Variants in GPC6 observed in about 807,000 individuals in gnomAD.
GPC6 encodes the protein glypican 6, also known as glypican-6.
GPC6 carries 14 observed loss-of-function variants against 55.2 expected under a neutral mutation model. The ratio of observed to expected loss-of-function variants is 0.25; its 90% CI spans 0.17 to 0.40. The LOEUF (loss-of-function observed/expected upper bound fraction) is 0.40, where lower values mean the gene tolerates loss of function less well. Ranked by LOEUF, GPC6 falls within the 10% of genes least tolerant of loss-of-function variation. The pLI is 1.00. For missense variants in GPC6, 641 were observed against 708.5 expected, an observed-to-expected ratio of 0.90 and a Z score of 1.08; for synonymous variants, 278 against 259.6, an observed-to-expected ratio of 1.07 and a Z score of -0.68.
At chr13:94,322,126 G>C (rs1019937332) in intron 6 of GPC6, among the ~76,000 whole-genome samples, 1 of 152,112 alleles carries the variant, frequency 6.6e-6, no homozygotes, top group Non-Finnish European at 1.5e-5. Context: ...TTGAATCATG[G>C]GGGCAGTTTC....
At chr13:93,293,786 A>C (rs1878391897) in intron 1 of GPC6, among the ~76,000 whole-genome samples, 2 of 151,962 alleles carry the variant, frequency 1.3e-5, no homozygotes, top group Admixed American at 6.6e-5. Context: ...TAGTACACAG[A>C]GTTCTGGTGA....
intron 4 of GPC6, among the ~76,000 whole-genome samples, chr13:94,226,705 C>T (rs985379267): frequency 5.9e-5 from 9 of 152,144 alleles, no homozygotes; most frequent in Non-Finnish European, 1.2e-4. Context: ...TGGAATGTAG[C>T]CCTTTCTCTG....
At chr13:93,914,708 A>T (rs1400052918) in intron 3 of GPC6, among the ~76,000 whole-genome samples, 1 of 152,226 alleles carries the variant, frequency 6.6e-6, no homozygotes, top group Non-Finnish European at 1.5e-5. Context: ...GGAAGAGTAG[A>T]GTTGGCCAAG....
At chr13:93,312,682 T>C (rs892119870) in intron 1 of GPC6, among the ~76,000 whole-genome samples, 5 of 152,168 alleles carry the variant, frequency 3.3e-5, no homozygotes, top group South Asian at 2.1e-4. Context: ...GGGGTGTTCA[T>C]TGCGAATAGC....
At chr13:94,387,316 G>A (rs1224543441) in intron 7 of GPC6, among the ~76,000 whole-genome samples, 30 of 152,158 alleles carry the variant, frequency 2.0e-4, no homozygotes, top group Admixed American at 2.0e-3. Flanking sequence ...CCCTTTGATG[G>A]GAGGAAATTG....
intron 2 of GPC6, among the ~76,000 whole-genome samples, chr13:93,616,665 A>G (rs1222366870): frequency 6.6e-6 from 1 of 152,106 alleles, no homozygotes; most frequent in Non-Finnish European, 1.5e-5. Context: ...GAACCATCCT[A>G]AATAATATAT....
At position 94,189,084 on chromosome 13, in the gene GPC6, T is replaced by C. The variant is rs147845233; in HGVS notation, c.878-97265T>C. Among the ~76,000 whole-genome samples, 1,308 of 152,312 alleles carry C rather than the reference T, an allele frequency of 8.6e-3. 9 individuals are homozygous for C. The highest frequency in any genetic ancestry group is 0.02 in the Middle Eastern group (6 of 294). ...TATATCACCCAGAAGCTCTAACCTG[T>C]GGCTTCCTCAAGAGACATTATCCCT... On this transcript the variant is annotated intron_variant, in intron 4 of 8. Coordinates refer to ENST00000377047, the MANE Select transcript of GPC6 (RefSeq NM_005708.5).
At chr13:93,845,000 C>A (rs994025042) in intron 3 of GPC6, among the ~76,000 whole-genome samples, 1 of 152,024 alleles carries the variant, frequency 6.6e-6, no homozygotes, top group Non-Finnish European at 1.5e-5. Context: ...TTCCATTGAT[C>A]TATATCTCTG....
intron 6 of GPC6, among the ~76,000 whole-genome samples, chr13:94,340,622 A>G (rs1046870322): frequency 1.1e-4 from 16 of 152,380 alleles, no homozygotes; most frequent in African/African-American, 3.8e-4. Flanking sequence ...CACTATGTAT[A>G]TAAAGCCAAA....
chr13:93,830,973 T>A (rs1887469035), intron 3 of GPC6: 1 of 168,686 alleles, frequency 5.9e-6, no homozygotes. Flanking sequence ...TGGAGACAAG[T>A]TATTGTTCAG....
intron 2 of GPC6, among the ~76,000 whole-genome samples, chr13:93,786,745 T>C (rs1594456180): frequency 6.9e-6 from 1 of 144,526 alleles, no homozygotes; most frequent in Admixed American, 6.9e-5. Flanking sequence ...GCACCTAGAG[T>C]ATATTTGAAC....
rs1484364079 is a variant in GPC6, at chr13:94,404,152, C to T, written c.*935C>T. On this transcript the variant is annotated 3_prime_UTR_variant, in exon 9 of 9. Coordinates refer to ENST00000377047, the MANE Select transcript of GPC6 (RefSeq NM_005708.5). ...CGTTTCTGCCCCTGTGCTCATTACC[C>T]TCCCAAAACAATAGTTTTTTTAATG... is the stretch of plus-strand genomic sequence containing the variant. 6.6e-6 allele frequency: 1 copy of T among 152,022 alleles called. No homozygotes were observed. Among genetic ancestry groups the T allele is most frequent in the East Asian group, 1.9e-4 (1 of 5,192 alleles). 9.4% of individuals were successfully genotyped at this position (152,022 alleles called of 1,614,324 possible).
intron 2 of GPC6, among the ~76,000 whole-genome samples, chr13:93,777,739 C>A (rs1263835107): frequency 1.3e-5 from 2 of 152,148 alleles, no homozygotes; most frequent in Admixed American, 1.3e-4. Context: ...CTGGTGCATG[C>A]TGAATCAGTA....
intron 4 of GPC6, among the ~76,000 whole-genome samples, chr13:94,247,746 A>G (rs994515155): frequency 3.3e-5 from 5 of 152,106 alleles, no homozygotes; most frequent in East Asian, 3.9e-4. Flanking sequence ...GTTGAATTCA[A>G]TTTCCTAATA....
rs564473406 is a variant in GPC6, at chr13:94,226,556, A to T, written c.878-59793A>T. Among the ~76,000 whole-genome samples the T allele has an allele frequency of 1.2e-3, 189 of 152,266 alleles. 1 individual carries two copies. In the Middle Eastern group the frequency reaches 0.014, roughly 11 times the overall value. ...CTGTACCCCATAAATACAATTTTTT[A>T]AAAAAGGTACCTGAGGCTCTTTTCT... On this transcript the variant is annotated intron_variant, in intron 4 of 8. Coordinates refer to ENST00000377047, the MANE Select transcript of GPC6 (RefSeq NM_005708.5).
At chr13:94,251,463 G>GAAAA (rs57853055) in intron 4 of GPC6, among the ~76,000 whole-genome samples, 4 of 145,708 alleles carry the variant, frequency 2.7e-5, no homozygotes, top group African/African-American at 1.0e-4. Flanking sequence ...GAACTTAAAG[G>GAAAA]AAAAAAAAAA....
intron 2 of GPC6, among the ~76,000 whole-genome samples, chr13:93,593,673 A>G (rs144038412): frequency 1.2e-4 from 18 of 152,238 alleles, no homozygotes; most frequent in African/African-American, 4.3e-4. Context: ...CATTGTATCT[A>G]TTGAATACTC....
chr13:93,366,417 A>G (rs866246578), intron 1 of GPC6, among the ~76,000 whole-genome samples: 36 of 152,098 alleles, frequency 2.4e-4, no homozygotes, highest in African/African-American at 7.5e-4. Context: ...AGTTAATTAA[A>G]TGTGTGCAGA....
chr13:93,700,538 C>T (rs1037564090), intron 2 of GPC6, among the ~76,000 whole-genome samples: 2 of 151,976 alleles, frequency 1.3e-5, no homozygotes, highest in African/African-American at 4.8e-5. Context: ...TCCTGTCTGA[C>T]CTTTTTAAAT....
Sources: gnomAD v4.1 joint callset for allele counts (sites outside exome capture counted in the v4.1 genomes callset) on GRCh38, gnomAD v4.1.1 for gene constraint, MANE v1.5 for transcripts, NCBI Gene and HGNC (gene_info 2026-07-23, HGNC 2026-07-21) for gene names.